The following HMCN1 variants were observed in gnomAD, a reference collection of about 807,000 sequenced individuals.
HMCN1 encodes the protein hemicentin-1.
A neutral mutation model predicts 625.9 loss-of-function variants in HMCN1; 321 were observed. The ratio of observed to expected loss-of-function variants is 0.51; its 90% confidence interval spans 0.47 to 0.56. HMCN1 has a LOEUF of 0.56. Ranked by LOEUF, HMCN1 falls within the 20% of genes least tolerant of loss-of-function variation. The pLI, the probability that HMCN1 is intolerant of heterozygous loss-of-function variation, is 0.00. For missense variants in HMCN1, 6,588 were observed against 6,887.3 expected, an observed-to-expected ratio of 0.96 and a Z score of 1.54; for synonymous variants, 2,425 against 2,417.6, an observed-to-expected ratio of 1.00 and a Z score of -0.09.
Position 185,879,845 on chromosome 1 carries a change from G to A in HMCN1, c.621+13982G>A, listed in dbSNP as rs1185786084. 2.0e-5 allele frequency among the ~76,000 whole-genome samples: 3 copies of A among 152,142 alleles called. No homozygotes were observed. In the East Asian group the frequency reaches 5.8e-4, roughly 29 times the overall value. Reference sequence around the variant, plus strand: ...AGGTCATTGAGAGGTCAGCGAGTTGGATAGGCCATCTATCTGAATGTGGAA... The same window carrying A: ...AGGTCATTGAGAGGTCAGCGAGTTGAATAGGCCATCTATCTGAATGTGGAA... On this transcript the variant is annotated intron_variant, in intron 4 of 106. Coordinates refer to ENST00000271588, the MANE Select transcript of HMCN1 (RefSeq NM_031935.3).
At chr1:185,807,936 T>A (rs1659275944) in intron 1 of HMCN1, among the ~76,000 whole-genome samples, 1 of 152,204 alleles carries the variant, frequency 6.6e-6, no homozygotes, top group Non-Finnish European at 1.5e-5. Flanking sequence ...TGGAACTTTC[T>A]GTTCTAATTT....
intron 104 of HMCN1, among the ~76,000 whole-genome samples, chr1:186,181,815 A>C (rs772204023): frequency 4.6e-5 from 7 of 152,058 alleles, no homozygotes; most frequent in Admixed American, 1.3e-4. Context: ...TATTCCTTAA[A>C]GAGTTTCATA....
intron 40 of HMCN1, among the ~76,000 whole-genome samples, chr1:186,042,354 T>A (rs992027301): frequency 2.4e-4 from 36 of 152,182 alleles, no homozygotes; most frequent in African/African-American, 8.0e-4. Flanking sequence ...TCAATCAATC[T>A]AAGTATGTAA....
intron 83 of HMCN1, among the ~76,000 whole-genome samples, chr1:186,129,302 G>A (rs960030839): frequency 4.0e-5 from 6 of 150,730 alleles, no homozygotes; most frequent in Non-Finnish European, 8.9e-5. Context: ...GTTGTTTTAG[G>A]ATTAGCATGT....
intron 47 of HMCN1, 22 bp downstream of exon 47, chr1:186,061,986 T>A (rs753852684): frequency 6.9e-7 from 1 of 1,455,874 alleles, no homozygotes; most frequent in Admixed American, 1.7e-5. Context: ...GTTTGCAATA[T>A]CTAGAAGAAA....
At chr1:185,921,838 T>G (rs1279176196) in intron 6 of HMCN1, among the ~76,000 whole-genome samples, 1 of 152,204 alleles carries the variant, frequency 6.6e-6, no homozygotes, top group Non-Finnish European at 1.5e-5. Context: ...GCTAAGGACT[T>G]TGCATTTTTA....
intron 4 of HMCN1, among the ~76,000 whole-genome samples, chr1:185,909,136 A>G (rs1190040343): frequency 1.3e-5 from 2 of 152,118 alleles, no homozygotes; most frequent in Admixed American, 6.6e-5. Context: ...AAATTTGAAC[A>G]TGGGTTAAAC....
intron 1 of HMCN1, among the ~76,000 whole-genome samples, chr1:185,799,127 GTATAAGTTCCTTGGT>G (rs1658609241): frequency 6.6e-6 from 1 of 152,126 alleles, no homozygotes; most frequent in Non-Finnish European, 1.5e-5. Flanking sequence ...GCAAAGTATC[GTATAAGTTCCTTGGT>G]TATAGATAGC....
Position 186,153,911 on chromosome 1 carries a change from T to C in HMCN1, c.15180T>C (p.His5060=), listed in dbSNP as rs1463950626. The C allele has an allele frequency of 6.2e-7, 1 of 1,614,152 alleles. No individual in the cohort carries two copies. The highest frequency in any genetic ancestry group is 8.5e-7 in the Non-Finnish European group (1 of 1,180,006). ...TGCCTTTCTTGGTTGAAACACTTCA[T>C]GCATCCTCTGTGGAATCTGACTATA... ...GRMPFLVETL[H]ASSVESDYNQ... is the part of the protein sequence containing the mutation. The change falls in exon 97 of 107, where the codon CAT becomes CAC. Residue 5060 remains histidine (H), a synonymous_variant. Transcript: ENST00000271588.
chr1:186,063,023 T>G (rs1314467402), intron 48 of HMCN1, among the ~76,000 whole-genome samples: 2 of 142,952 alleles, frequency 1.4e-5, no homozygotes, highest in Non-Finnish European at 1.5e-5. Flanking sequence ...GGATAGGTAG[T>G]ATTCCATGGA....
chr1:185,738,377 G>C (rs1653742039), intron 1 of HMCN1, among the ~76,000 whole-genome samples: 1 of 152,054 alleles, frequency 6.6e-6, no homozygotes, highest in African/African-American at 2.4e-5. Flanking sequence ...AGATTTTTCT[G>C]TTCTGGACTT....
intron 14 of HMCN1, among the ~76,000 whole-genome samples, chr1:185,967,101 T>C (rs921533365): frequency 6.6e-6 from 1 of 152,166 alleles, no homozygotes; most frequent in Admixed American, 6.6e-5. Context: ...ATTTACATCA[T>C]AATTAAATAT....
In HMCN1 at chr1:186,166,927, G is replaced by A; in HGVS notation, c.15559G>A (p.Gly5187Arg). ...CGSGFRRTSD[G>R]LSCQDINECQ... ...AAGTGGCTTTCGAAGAACCTCTGAT[G>A]GGCTGAGTTGTCAAGGTATAAAAAT... The change falls in exon 100 of 107, where the codon GGG becomes AGG. Residue 5187 changes from glycine (G) to arginine (R), a missense_variant. Around this residue, in one of 3 missense-constraint regions of HMCN1, gnomAD observed 1,954 missense variants for 2,013.1 expected, o/e 0.97. Coordinates refer to ENST00000271588, the MANE Select transcript of HMCN1 (RefSeq NM_031935.3). The A allele has an allele frequency of 6.2e-7, 1 of 1,614,090 alleles. No homozygotes were observed. The highest frequency in any genetic ancestry group is 8.5e-7 in the Non-Finnish European group (1 of 1,179,990).
chr1:185,865,891 A>T, intron 4 of HMCN1, 28 bp downstream of exon 4: 1 of 1,611,402 alleles, frequency 6.2e-7, no homozygotes, highest in Non-Finnish European at 8.5e-7. Context: ...AGTCTACTTT[A>T]TTACCAGCTG....
chr1:185,947,674 T>G (rs1668414750), intron 11 of HMCN1, among the ~76,000 whole-genome samples: 1 of 152,196 alleles, frequency 6.6e-6, no homozygotes, highest in Non-Finnish European at 1.5e-5. Context: ...TGTTGTTTAT[T>G]TTGGTTTGTT....
rs569861632 is a variant in HMCN1, at chr1:186,178,822, A to G, written c.16294+56A>G. The stretch of plus-strand genomic sequence containing the variant: ...TGTGGGCTCTCTTACTGATCAAAGT[A>G]TGTGTACAGCACCTGTGATTGTTTG... On this transcript the variant is annotated intron_variant, in intron 104 of 106. Coordinates refer to ENST00000271588, the MANE Select transcript of HMCN1 (RefSeq NM_031935.3). The G allele has an allele frequency of 2.1e-5, 24 of 1,128,998 alleles. No homozygotes were observed. The East Asian group carries it at 4.7e-4, about 22-fold the overall frequency. The allele number at this position is 1,128,998 out of a possible 1,614,324, so 69.9% of individuals were successfully genotyped here. A position where few individuals can be genotyped will look rare whatever the true frequency, so the allele number is the denominator to read the frequency against.
At chr1:186,064,361 T>C (rs577762176) in intron 48 of HMCN1, among the ~76,000 whole-genome samples, 1 of 152,230 alleles carries the variant, frequency 6.6e-6, no homozygotes, top group South Asian at 2.1e-4. Flanking sequence ...TATTAAAGAA[T>C]AATTAATATA....
chr1:186,001,153 T>G (rs1172927986), intron 26 of HMCN1, 145 bp from the exon 27 acceptor site: 2 of 687,790 alleles, frequency 2.9e-6, no homozygotes, highest in African/African-American at 3.6e-5. Context: ...CTTTTTAATT[T>G]TATAACAAAG....
At position 186,094,355 on chromosome 1, in the gene HMCN1, T is replaced by C. The variant is rs770462901; in HGVS notation, c.10276T>C (p.Tyr3426His). The C allele has an allele frequency of 1.9e-5, 30 of 1,612,624 alleles. No individual in the cohort carries two copies. The South Asian group carries it at 3.0e-4, about 16-fold the overall frequency. ...SNRAGVDNKH[Y>H]NLQVFAPPNM... ...CAGAGCTGGGGTGGATAATAAGCAT[T>C]ACAATCTTCAAGTGTTTGGTATGTG... The change falls in exon 67 of 107, where the codon TAC becomes CAC. Residue 3426 changes from tyrosine to histidine, a missense_variant. Physicochemically the swap from Tyr to His is moderately conservative, Grantham distance 83. Transcript: ENST00000271588.
Sources: gnomAD v4.1 joint callset for allele counts (sites outside exome capture counted in the v4.1 genomes callset) on GRCh38, gnomAD v4.1.1 for gene constraint, gnomAD v4.1.1 regional missense constraint, MANE v1.5 for transcripts, NCBI Gene and HGNC (gene_info 2026-07-23, HGNC 2026-07-21) for gene names.